The following DLGAP2 variants were observed in gnomAD, a reference collection of about 807,000 sequenced individuals.
The protein encoded by DLGAP2 is DLG associated protein 2.
A neutral mutation model predicts 100.3 loss-of-function variants in DLGAP2; 26 were observed. The observed-to-expected ratio is 0.26, with a 90% CI of 0.19 to 0.36. The LOEUF (loss-of-function observed/expected upper bound fraction) is 0.36. Ranked by LOEUF, DLGAP2 falls within the 10% of genes least tolerant of loss-of-function variation. The pLI is 1.00. For synonymous variants in DLGAP2, 886 were observed against 630.1 expected (o/e 1.41, Z -6.08); for missense variants, 1,858 against 1,453.2 (o/e 1.28, Z -4.53).
chr8:1,210,667 G>C (rs1304306850), intron 2 of DLGAP2, among the ~76,000 whole-genome samples: 2 of 152,176 alleles, frequency 1.3e-5, no homozygotes, highest in African/African-American at 4.8e-5. Context: ...GAATATTTTA[G>C]AAGTGAGTCT....
At chr8:849,218 C>A (rs142442815) in intron 1 of DLGAP2, among the ~76,000 whole-genome samples, 1 of 150,780 alleles carries the variant, frequency 6.6e-6, no homozygotes, top group Non-Finnish European at 1.5e-5. Context: ...TATAGGAACA[C>A]GTGGTGTGTG....
At chr8:1,278,994 A>T (rs1351214431) in intron 3 of DLGAP2, among the ~76,000 whole-genome samples, 1 of 152,252 alleles carries the variant, frequency 6.6e-6, no homozygotes. Context: ...TAAAGAACAT[A>T]TAGAAAATAT....
At chr8:915,866 G>A (rs536761857) in intron 2 of DLGAP2, among the ~76,000 whole-genome samples, 6 of 148,346 alleles carry the variant, frequency 4.0e-5, no homozygotes, top group South Asian at 2.1e-4. Context: ...TCACCCGTCC[G>A]TCCATCTGTC....
intron 2 of DLGAP2, among the ~76,000 whole-genome samples, chr8:1,247,758 TG>T (rs774084002): frequency 1.8e-4 from 1 of 5,472 alleles, no homozygotes. Flanking sequence ...GAGATCAGTG[TG>T]GGAGTGATGG....
intron 6 of DLGAP2, among the ~76,000 whole-genome samples, chr8:1,590,934 G>A (rs1325332107): frequency 1.3e-5 from 2 of 152,216 alleles, no homozygotes; most frequent in Non-Finnish European, 2.9e-5. Flanking sequence ...CCTTAAAGAA[G>A]CCATCTTCAA....
chr8:1,525,509 C>G (rs1800763988), intron 4 of DLGAP2, among the ~76,000 whole-genome samples: 1 of 152,142 alleles, frequency 6.6e-6, no homozygotes, highest in South Asian at 2.1e-4. Context: ...TGGGCAGACC[C>G]CAAAGCTGCG....
Position 1,204,902 on chromosome 8 carries a change from G to T in DLGAP2, c.74-53949G>T, listed in dbSNP as rs550075878. Among the ~76,000 whole-genome samples, 5 of 152,194 alleles carry T rather than the reference G, an allele frequency of 3.3e-5. 1 individual carries two copies. The highest frequency in any genetic ancestry group is 1.2e-4 in the African/African-American group (5 of 41,454). ...AGAGCCTGGACTTGGTCCCAGAGCT[G>T]ACCAGGGCTGTTTGCCTGGAACAGG... is the stretch of plus-strand genomic sequence containing the variant. On this transcript the variant is annotated intron_variant, in intron 2 of 14. Transcript: ENST00000637795.
chr8:946,088 C>T (rs1438762747), intron 2 of DLGAP2, among the ~76,000 whole-genome samples: 1 of 122,356 alleles, frequency 8.2e-6, no homozygotes, highest in Non-Finnish European at 1.9e-5. Flanking sequence ...CTCAGCACCC[C>T]CATTTGTGTG....
At chr8:1,344,083 C>T (rs1322643255) in intron 3 of DLGAP2, among the ~76,000 whole-genome samples, 25 of 29,824 alleles carry the variant, frequency 8.4e-4, no homozygotes, top group East Asian at 8.2e-3. Flanking sequence ...CTGCAAATGT[C>T]GTACTCGGGG....
At chr8:1,206,380 C>T (rs7010260) in intron 2 of DLGAP2, among the ~76,000 whole-genome samples, 1,968 of 37,016 alleles carry the variant, frequency 0.053, 20 homozygotes, top group African/African-American at 0.23. Flanking sequence ...AGACTGTGAG[C>T]GGTTAATCTC....
At chr8:743,362 T>C (rs1563406865) in intron 1 of DLGAP2, among the ~76,000 whole-genome samples, 1 of 152,176 alleles carries the variant, frequency 6.6e-6, no homozygotes, top group Non-Finnish European at 1.5e-5. Flanking sequence ...TTGGTGAAGA[T>C]AAATTTTCTC....
chr8:969,738 G>A (rs1254026614), intron 2 of DLGAP2, among the ~76,000 whole-genome samples: 1 of 152,116 alleles, frequency 6.6e-6, no homozygotes, highest in East Asian at 1.9e-4. Context: ...TCATAAGGGT[G>A]GCTTGGAGGG....
intron 3 of DLGAP2, among the ~76,000 whole-genome samples, chr8:1,458,937 T>C (rs951817875): frequency 2.6e-5 from 4 of 152,132 alleles, no homozygotes; most frequent in African/African-American, 7.2e-5. Context: ...GCAAGACCAG[T>C]GTGTGTCCCA....
chr8:979,123 G>A (rs1019426791), intron 2 of DLGAP2, among the ~76,000 whole-genome samples: 9 of 152,144 alleles, frequency 5.9e-5, no homozygotes, highest in African/African-American at 1.9e-4. Flanking sequence ...GGCGAGTGCA[G>A]TTCTTGAATC....
At position 912,600 on chromosome 8, in the gene DLGAP2, G is replaced by A. The variant is rs538748007; in HGVS notation, c.73+4634G>A. On this transcript the variant is annotated intron_variant, in intron 2 of 14. Transcript: ENST00000637795. ...CAGTTGTCTCCAGCTCATTGGAGCC[G>A]GCTCCTGCTCCGTGGTGCCCGCCTT... 7.9e-5 allele frequency among the ~76,000 whole-genome samples: 12 copies of A among 152,090 alleles called. No individual in the cohort carries two copies. The South Asian group carries it at 1.7e-3, about 21-fold the overall frequency.
chr8:1,668,636 G>C lies in DLGAP2; in HGVS notation c.2118G>C (p.Ala706=), dbSNP rs764799874. 2.5e-6 allele frequency: 4 copies of C among 1,591,968 alleles called. No homozygotes were observed. Among genetic ancestry groups the C allele is most frequent in the Non-Finnish European group, 3.4e-6 (4 of 1,169,634 alleles). ...TSDKAILVSK[A]EELLKSRCSS... is the part of the protein sequence containing the mutation. Reference sequence around the variant, plus strand: ...ACAAGGCCATCCTGGTGTCCAAGGCGGAGGAGCTCCTCAAGAGCCGCTGCT... The same window carrying C: ...ACAAGGCCATCCTGGTGTCCAAGGCCGAGGAGCTCCTCAAGAGCCGCTGCT... Residue 706 remains alanine, a synonymous_variant, in exon 9 of 15, where the codon GCG becomes GCC. Transcript: ENST00000637795.
chr8:1,200,173 C>G (rs1038428881), intron 2 of DLGAP2, among the ~76,000 whole-genome samples: 1 of 152,180 alleles, frequency 6.6e-6, no homozygotes, highest in African/African-American at 2.4e-5. Flanking sequence ...CCCTGGCCCC[C>G]GTGCTCTCCT....
At chr8:1,439,769 C>A (rs990154174) in intron 3 of DLGAP2, among the ~76,000 whole-genome samples, 1 of 152,062 alleles carries the variant, frequency 6.6e-6, no homozygotes, top group Non-Finnish European at 1.5e-5. Flanking sequence ...CCACCATCCC[C>A]CAGACTGCTT....
At chr8:1,521,847 C>T in intron 4 of DLGAP2, among the ~76,000 whole-genome samples, 1 of 147,598 alleles carries the variant, frequency 6.8e-6, no homozygotes, top group African/African-American at 2.5e-5. Flanking sequence ...TACTCGGGGG[C>T]AGGTGATTTG....
Sources: gnomAD v4.1 joint callset for allele counts (sites outside exome capture counted in the v4.1 genomes callset) on GRCh38, gnomAD v4.1.1 for gene constraint, MANE v1.5 for transcripts, NCBI Gene and HGNC (gene_info 2026-07-23, HGNC 2026-07-21) for gene names.